The following CNTN4 variants were observed in gnomAD, a reference collection of about 807,000 sequenced individuals.
The protein encoded by CNTN4 is contactin 4, also known as contactin-4.
In CNTN4, 77 loss-of-function variants were observed where a neutral mutation model predicts 122.5. The observed-to-expected ratio is 0.63, with a 90% confidence interval of 0.52 to 0.76. The LOEUF is 0.76. Among genes scored for constraint, CNTN4 ranks in the 30% least tolerant of loss-of-function variants. The pLI is 0.00. For missense variants in CNTN4, 1,256 were observed against 1,259.1 expected (o/e 1.00, Z 0.04); for synonymous variants, 512 against 447.0 (o/e 1.15, Z -1.83).
intron 3 of CNTN4, among the ~76,000 whole-genome samples, chr3:2,404,008 T>A (rs995024107): frequency 7.2e-5 from 11 of 152,156 alleles, no homozygotes; most frequent in Admixed American, 1.3e-4. Flanking sequence ...TTTCTTCACA[T>A]CAGACATTTG....
intron 4 of CNTN4, among the ~76,000 whole-genome samples, chr3:2,625,708 T>C (rs1224797233): frequency 6.6e-6 from 1 of 152,218 alleles, no homozygotes; most frequent in Non-Finnish European, 1.5e-5. Flanking sequence ...TGTGAATTGG[T>C]ATTCTATAAT....
intron 3 of CNTN4, among the ~76,000 whole-genome samples, chr3:2,498,481 CGTTGTTGTT>C (rs1021005740): frequency 6.7e-6 from 1 of 149,134 alleles, no homozygotes; most frequent in African/African-American, 2.4e-5. Flanking sequence ...TTGTTGTTGT[CGTTGTTGTT>C]GTTGGAGACA....
At chr3:2,536,998 A>G (rs2077835215) in intron 3 of CNTN4, among the ~76,000 whole-genome samples, 1 of 152,108 alleles carries the variant, frequency 6.6e-6, no homozygotes, top group African/African-American at 2.4e-5. Context: ...TCTACCATGT[A>G]GTGTTTTTGT....
chr3:2,567,322 G>A (rs909229921), intron 3 of CNTN4, among the ~76,000 whole-genome samples: 35 of 151,922 alleles, frequency 2.3e-4, no homozygotes, highest in East Asian at 3.9e-4. Context: ...TCATGACTTC[G>A]TGATCCACCC....
chr3:2,380,209 T>G (rs1428029843), intron 3 of CNTN4, among the ~76,000 whole-genome samples: 4 of 152,120 alleles, frequency 2.6e-5, no homozygotes, highest in Non-Finnish European at 5.9e-5. Flanking sequence ...TTAGGGAAAA[T>G]GGGATGAGAA....
chr3:2,578,402 T>C lies in CNTN4; in HGVS notation c.55+6844T>C, dbSNP rs181971721. ...AAAGCTCATGACCAACCCAGAAGGA[T>C]CCTCCCTTTTATCCCCACCAGGATG... On this transcript the variant is annotated intron_variant, in intron 4 of 24. Coordinates refer to ENST00000418658, the MANE Select transcript of CNTN4 (RefSeq NM_175607.3). Among the ~76,000 whole-genome samples the C allele has an allele frequency of 3.9e-5, 6 of 152,278 alleles. 1 individual carries two copies. The highest frequency in any genetic ancestry group is 3.3e-4 in the Admixed American group (5 of 15,298).
intron 3 of CNTN4, among the ~76,000 whole-genome samples, chr3:2,479,005 C>T (rs377038545): frequency 6.6e-6 from 1 of 152,114 alleles, no homozygotes; most frequent in East Asian, 1.9e-4. Flanking sequence ...AGAAGCTTAT[C>T]TTAACTGCAT....
At chr3:2,210,597 G>A (rs2038571902) in intron 2 of CNTN4, among the ~76,000 whole-genome samples, 2 of 152,032 alleles carry the variant, frequency 1.3e-5, no homozygotes. Flanking sequence ...CTTAGCCTTG[G>A]GTTCCTAAAA....
intron 6 of CNTN4, among the ~76,000 whole-genome samples, chr3:2,790,899 A>G (rs2091987483): frequency 6.6e-6 from 1 of 152,214 alleles, no homozygotes; most frequent in Non-Finnish European, 1.5e-5. Flanking sequence ...TTTTGCAGAC[A>G]TGACAGATAT....
intron 6 of CNTN4, among the ~76,000 whole-genome samples, chr3:2,806,704 A>C (rs1275593009): frequency 6.6e-6 from 1 of 152,168 alleles, no homozygotes. Flanking sequence ...GTGTTACATG[A>C]ACTAAGATGA....
chr3:2,613,608 G>T (rs1020446967), intron 4 of CNTN4, among the ~76,000 whole-genome samples: 3 of 152,056 alleles, frequency 2.0e-5, no homozygotes, highest in Admixed American at 2.0e-4. Context: ...GCAATATAAG[G>T]ACTTTTTGTA....
At chr3:2,392,543 TGG>T in intron 3 of CNTN4, among the ~76,000 whole-genome samples, 1 of 152,172 alleles carries the variant, frequency 6.6e-6, no homozygotes, top group East Asian at 1.9e-4. Flanking sequence ...ATTGTATATA[TGG>T]GGTACAGTGT....
chr3:2,341,321 C>T (rs1055958794), intron 3 of CNTN4, among the ~76,000 whole-genome samples: 2 of 152,176 alleles, frequency 1.3e-5, no homozygotes, highest in Admixed American at 6.5e-5. Flanking sequence ...TTCACATTGT[C>T]TTGTAATTGC....
intron 2 of CNTN4, among the ~76,000 whole-genome samples, chr3:2,301,253 A>C (rs1396919278): frequency 6.6e-6 from 1 of 152,202 alleles, no homozygotes; most frequent in East Asian, 1.9e-4. Context: ...TGGGGAGGAA[A>C]ACAAAAATCC....
At chr3:2,783,399 G>C (rs1320695627) in intron 6 of CNTN4, among the ~76,000 whole-genome samples, 1 of 152,194 alleles carries the variant, frequency 6.6e-6, no homozygotes, top group South Asian at 2.1e-4. Context: ...AGGACTTCCT[G>C]TCCCTCTCCA....
intron 3 of CNTN4, among the ~76,000 whole-genome samples, chr3:2,534,513 G>T (rs1215704019): frequency 6.6e-6 from 1 of 152,084 alleles, no homozygotes; most frequent in Non-Finnish European, 1.5e-5. Context: ...TCCAGCTGCA[G>T]TGTGGGTGCA....
At chr3:2,448,951 A>T (rs1188696764) in intron 3 of CNTN4, among the ~76,000 whole-genome samples, 1 of 152,164 alleles carries the variant, frequency 6.6e-6, no homozygotes, top group Non-Finnish European at 1.5e-5. Context: ...CTATCTCCAG[A>T]GGCTTTTACT....
chr3:2,298,080 C>T (rs767137624), intron 2 of CNTN4, among the ~76,000 whole-genome samples: 1 of 152,078 alleles, frequency 6.6e-6, no homozygotes, highest in Non-Finnish European at 1.5e-5. Flanking sequence ...GAGTGCTTGG[C>T]ACAAAGTGAA....
intron 3 of CNTN4, among the ~76,000 whole-genome samples, chr3:2,369,069 A>C (rs954768048): frequency 1.3e-5 from 2 of 152,024 alleles, no homozygotes; most frequent in African/African-American, 4.8e-5. Flanking sequence ...GATTACAGGC[A>C]CCTGCCACCA....
Sources: allele counts gnomAD v4.1 joint callset (sites outside exome capture counted in the v4.1 genomes callset), GRCh38; gene constraint gnomAD v4.1.1; transcripts MANE v1.5; gene names NCBI Gene and HGNC (gene_info 2026-07-23, HGNC 2026-07-21).